Variants in CADM1 observed in about 807,000 individuals in gnomAD.
The protein encoded by CADM1 is cell adhesion molecule 1, also known as TSLC-1.
A neutral mutation model predicts 53.1 loss-of-function variants in CADM1; 15 were observed. That is an observed-to-expected ratio of 0.28 (90% CI 0.19 to 0.44). The LOEUF is 0.44. CADM1 is among the 20% of genes least tolerant of loss of function. The pLI is 1.00. For synonymous variants in CADM1, 281 were observed against 243.0 expected (o/e 1.16, Z -1.45); for missense variants, 434 against 611.3 (o/e 0.71, Z 3.06).
chr11:115,353,394 GGAAGT>G (rs1172738844), intron 1 of CADM1, among the ~76,000 whole-genome samples: 16 of 152,192 alleles, frequency 1.1e-4, no homozygotes, highest in Non-Finnish European at 2.2e-4. Flanking sequence ...GTGCAACTGT[GGAAGT>G]GAAGTTTTAA....
intron 3 of CADM1, among the ~76,000 whole-genome samples, chr11:115,237,238 T>C (rs1292405725): frequency 6.6e-6 from 1 of 152,298 alleles, no homozygotes; most frequent in Non-Finnish European, 1.5e-5. Flanking sequence ...CTCCCATGCT[T>C]ACTATTTCTA....
At chr11:115,264,824 C>G (rs2154690) in intron 1 of CADM1, among the ~76,000 whole-genome samples, 82,063 of 152,098 alleles carry the variant, frequency 0.54, 25,813 homozygotes, top group East Asian at 0.87. Flanking sequence ...ATATGACAAT[C>G]ATGATGATTT....
At chr11:115,258,885 T>C (rs1356946199) in intron 1 of CADM1, among the ~76,000 whole-genome samples, 1 of 152,280 alleles carries the variant, frequency 6.6e-6, no homozygotes, top group African/African-American at 2.4e-5. Context: ...TATTTTTAGA[T>C]GATTGTAGCT....
intron 1 of CADM1, among the ~76,000 whole-genome samples, chr11:115,420,840 GA>G (rs1947736826): frequency 6.6e-6 from 1 of 152,146 alleles, no homozygotes. Flanking sequence ...GAGGGCCAAA[GA>G]AAAGTGCATC....
At chr11:115,363,188 C>T (rs1205761407) in intron 1 of CADM1, among the ~76,000 whole-genome samples, 1 of 152,208 alleles carries the variant, frequency 6.6e-6, no homozygotes, top group Non-Finnish European at 1.5e-5. Context: ...GCACCTGTTC[C>T]ATGATCAGCA....
intron 1 of CADM1, among the ~76,000 whole-genome samples, chr11:115,467,776 ACT>A (rs1412497721): frequency 1.3e-5 from 2 of 152,180 alleles, no homozygotes; most frequent in African/African-American, 2.4e-5. Context: ...TTTTCTCCTT[ACT>A]CTTCAGCAAG....
intron 1 of CADM1, among the ~76,000 whole-genome samples, chr11:115,284,924 C>A (rs977870635): frequency 5.9e-5 from 9 of 152,282 alleles, no homozygotes; most frequent in African/African-American, 2.2e-4. Flanking sequence ...GTTAAATGGA[C>A]TCTATCCAAG....
intron 1 of CADM1, among the ~76,000 whole-genome samples, chr11:115,278,009 G>C (rs1262188534): frequency 6.6e-6 from 1 of 151,980 alleles, no homozygotes; most frequent in Non-Finnish European, 1.5e-5. Flanking sequence ...TACCTATCCT[G>C]TAATTCCCAC....
At chr11:115,300,677 T>C (rs189205876) in intron 1 of CADM1, among the ~76,000 whole-genome samples, 61 of 152,220 alleles carry the variant, frequency 4.0e-4, no homozygotes, top group African/African-American at 1.1e-3. Context: ...AGCCTATGTC[T>C]AGCATCATTA....
intron 1 of CADM1, among the ~76,000 whole-genome samples, chr11:115,398,321 A>T (rs1035996712): frequency 7.9e-5 from 12 of 152,338 alleles, no homozygotes; most frequent in African/African-American, 2.9e-4. Flanking sequence ...AATGAACTGT[A>T]GTCTCCCTTG....
intron 1 of CADM1, among the ~76,000 whole-genome samples, chr11:115,460,380 T>C (rs764655244): frequency 4.6e-5 from 7 of 152,164 alleles, no homozygotes; most frequent in Admixed American, 1.3e-4. Context: ...ATACAATATT[T>C]ACAAATAGCC....
chr11:115,255,803 A>G (rs1942766336), intron 1 of CADM1, among the ~76,000 whole-genome samples: 1 of 152,240 alleles, frequency 6.6e-6, no homozygotes, highest in Non-Finnish European at 1.5e-5. Flanking sequence ...AACTGAATGT[A>G]TCATTCTTCC....
chr11:115,410,581 G>A (rs1947435836), intron 1 of CADM1, among the ~76,000 whole-genome samples: 1 of 152,100 alleles, frequency 6.6e-6, no homozygotes, highest in Admixed American at 6.6e-5. Flanking sequence ...AATGTGAAAT[G>A]ATGAGATGGA....
At chr11:115,412,987 A>G (rs548985486) in intron 1 of CADM1, among the ~76,000 whole-genome samples, 2 of 152,322 alleles carry the variant, frequency 1.3e-5, no homozygotes, top group Admixed American at 1.3e-4. Flanking sequence ...TCTCACTGCA[A>G]TTTCACTGTA....
At chr11:115,240,714 A>G (rs1295905467) in intron 1 of CADM1, 1 of 406,630 alleles carries the variant, frequency 2.5e-6, no homozygotes, top group Non-Finnish European at 4.6e-6. Context: ...GAGGTATTGG[A>G]AAGGTCAGAG....
chr11:115,283,914 C>T (rs1943651836), intron 1 of CADM1, among the ~76,000 whole-genome samples: 1 of 152,156 alleles, frequency 6.6e-6, no homozygotes, highest in Non-Finnish European at 1.5e-5. Context: ...GTGGTATCTC[C>T]AGTGCTCAAA....
intron 1 of CADM1, among the ~76,000 whole-genome samples, chr11:115,480,483 C>T (rs1949233928): frequency 6.6e-6 from 1 of 152,154 alleles, no homozygotes; most frequent in Non-Finnish European, 1.5e-5. Flanking sequence ...TCTGTGTGCT[C>T]TCTAAAGTCC....
At chr11:115,336,346 C>A (rs1386080522) in intron 1 of CADM1, among the ~76,000 whole-genome samples, 1 of 152,126 alleles carries the variant, frequency 6.6e-6, no homozygotes, top group African/African-American at 2.4e-5. Context: ...TCATCGATCC[C>A]TCAAAAGGAA....
chr11:115,353,911 CA>C (rs1474625732), intron 1 of CADM1, among the ~76,000 whole-genome samples: 5 of 152,110 alleles, frequency 3.3e-5, no homozygotes, highest in African/African-American at 9.7e-5. Context: ...ATGTGAAAGG[CA>C]TGGCACAAGA....
Sources: gnomAD v4.1 joint callset for allele counts (sites outside exome capture counted in the v4.1 genomes callset) on GRCh38, gnomAD v4.1.1 for gene constraint, MANE v1.5 for transcripts, NCBI Gene and HGNC (gene_info 2026-07-23, HGNC 2026-07-21) for gene names.